The following DRC1 variants were observed in gnomAD, a reference collection of about 807,000 sequenced individuals.
DRC1 encodes the protein dynein regulatory complex subunit 1.
DRC1 carries 74 observed loss-of-function variants against 98.7 expected under a neutral mutation model. The ratio of observed to expected loss-of-function variants is 0.75; its 90% CI spans 0.62 to 0.91. DRC1 has a LOEUF of 0.91. Ranked by LOEUF, DRC1 falls within the 40% of genes least tolerant of loss-of-function variation. The pLI, the probability that DRC1 is intolerant of heterozygous loss-of-function variation, is 0.00. For synonymous variants in DRC1, 336 were observed against 334.1 expected, an observed-to-expected ratio of 1.01 and a Z score of -0.06; for missense variants, 875 against 886.0, an observed-to-expected ratio of 0.99 and a Z score of 0.16.
In DRC1 at chr2:26,414,459, G is replaced by A. The variant is rs759220027; in HGVS notation, c.243+28G>A. On this transcript the variant is annotated intron_variant, in intron 2 of 16. Transcript: ENST00000288710. ...ATGAACTGGTTGGCAGATGGGCTCT[G>A]GAAGACCAGTGAGCTGGGTGTGACA... 6 of 1,603,598 alleles carry A rather than the reference G, an allele frequency of 3.7e-6. No homozygotes were observed. In the African/African-American group the frequency reaches 5.4e-5, roughly 14 times the overall value.
In DRC1 at chr2:26,456,449, T is replaced by C. The variant is rs372142517; in HGVS notation, c.2167-12T>C. 6.2e-6 allele frequency: 10 copies of C among 1,613,958 alleles called. No individual in the cohort carries two copies. Among genetic ancestry groups the C allele is most frequent in the Non-Finnish European group, 7.6e-6 (9 of 1,179,958 alleles). On this transcript the variant is annotated splice_polypyrimidine_tract_variant and intron_variant, in intron 16 of 16. Coordinates refer to ENST00000288710, the MANE Select transcript of DRC1 (RefSeq NM_145038.5). ...GGGAAAAATGTAACGACTTTCACCC[T>C]TTCTTTTCCAGATCAACTCTGAACT...
chr2:26,442,231 G>T (rs1261515494), intron 8 of DRC1, among the ~76,000 whole-genome samples: 2 of 152,120 alleles, frequency 1.3e-5, no homozygotes, highest in Non-Finnish European at 2.9e-5. Flanking sequence ...CCTCTTAAAG[G>T]TCCTGCCTCT....
At chr2:26,428,477 G>T (rs1663341459) in intron 4 of DRC1, among the ~76,000 whole-genome samples, 1 of 152,196 alleles carries the variant, frequency 6.6e-6, no homozygotes, top group Non-Finnish European at 1.5e-5. Flanking sequence ...AAGTATTTGT[G>T]TATCTAAACA....
In DRC1 at chr2:26,418,645, A is replaced by AT. The variant is rs1553340620; in HGVS notation, c.244-2643_244-2642insT. On this transcript the variant is annotated intron_variant, in intron 2 of 16. Transcript: ENST00000288710. ...AATATAAATTATATATAATTTATATAATATATAAATTATATATTATATAAA... is the reference window on the plus strand; with the variant it reads ...AATATAAATTATATATAATTTATATATATATATAAATTATATATTATATAAA... 3.4e-4 allele frequency among the ~76,000 whole-genome samples: 31 copies of AT among 90,892 alleles called. 1 individual carries two copies. Among genetic ancestry groups the AT allele is most frequent in the Non-Finnish European group, 5.7e-4 (28 of 49,390 alleles). The allele number at this position is 90,892 out of a possible 152,430, so 59.6% of individuals were successfully genotyped here.
chr2:26,425,487 A>G (rs1269217376), intron 4 of DRC1, among the ~76,000 whole-genome samples: 1 of 152,182 alleles, frequency 6.6e-6, no homozygotes, highest in Non-Finnish European at 1.5e-5. Flanking sequence ...TAATTTTCTT[A>G]GGAACCTCCA....
chr2:26,429,360 C>T lies in DRC1; in HGVS notation c.541-268C>T, dbSNP rs193087704. 2.6e-3 allele frequency among the ~76,000 whole-genome samples: 395 copies of T among 152,038 alleles called. 1 individual carries two copies. Among genetic ancestry groups the T allele is most frequent in the African/African-American group, 8.7e-3 (362 of 41,456 alleles). On this transcript the variant is annotated intron_variant, in intron 4 of 16. Transcript: ENST00000288710. ...CCTCCCAAGTAGCTGGGACCACAGG[C>T]GTGCACCACCACATCTGGCTAATTT...
intron 1 of DRC1, among the ~76,000 whole-genome samples, chr2:26,411,793 C>T (rs897957636): frequency 6.9e-6 from 1 of 144,776 alleles, no homozygotes; most frequent in Non-Finnish European, 1.5e-5. Context: ...AAGACTCTGT[C>T]TTAAAAAAAA....
intron 5 of DRC1, chr2:26,430,369 G>A (rs1572368517): frequency 5.4e-6 from 2 of 371,404 alleles, no homozygotes; most frequent in South Asian, 4.2e-5. Flanking sequence ...ACTCATTTCT[G>A]CATTCCTAAA....
At chr2:26,427,243 A>C (rs942289338) in intron 4 of DRC1, among the ~76,000 whole-genome samples, 3 of 151,952 alleles carry the variant, frequency 2.0e-5, no homozygotes, top group Non-Finnish European at 4.4e-5. Flanking sequence ...CAGCCTCCCA[A>C]GTAGCTGGGA....
intron 1 of DRC1, among the ~76,000 whole-genome samples, chr2:26,414,089 T>C (rs951301416): frequency 6.2e-5 from 9 of 146,084 alleles, no homozygotes; most frequent in Non-Finnish European, 9.0e-5. Flanking sequence ...ATGGAATATA[T>C]ATTTATATAT....
Position 26,445,036 on chromosome 2 carries a change from G to A in DRC1, c.1396+88G>A. 5 of 1,333,704 alleles carry A rather than the reference G, an allele frequency of 3.7e-6. 1 individual carries two copies. Among genetic ancestry groups the A allele is most frequent in the Non-Finnish European group, 5.1e-6 (5 of 975,386 alleles). The allele number at this position is 1,333,704 out of a possible 1,614,324, so 82.6% of individuals were successfully genotyped here. ...GCCAGTCACGTTAGAGATAGTCTAG[G>A]GAGGAGGGGGAAGAGTATGATTATT... is the stretch of plus-strand genomic sequence containing the variant. On this transcript the variant is annotated intron_variant, in intron 10 of 16. Transcript: ENST00000288710.
At position 26,439,936 on chromosome 2, in the gene DRC1, T is replaced by TATATATATATATATATATAC. The variant is rs548209014; in HGVS notation, c.889-441_889-440insTATATATATATATATATACA. ...ACTAGTGTGTGAATATATATATATA[T>TATATATATATATATATATAC]ACACACACACATACACACACACACA... is the stretch of plus-strand genomic sequence containing the variant. On this transcript the variant is annotated intron_variant, in intron 7 of 16. Transcript: ENST00000288710. Among the ~76,000 whole-genome samples, 67 of 75,498 alleles carry TATATATATATATATATATAC rather than the reference T, an allele frequency of 8.9e-4. 7 individuals are homozygous for TATATATATATATATATATAC. Among genetic ancestry groups the TATATATATATATATATATAC allele is most frequent in the Non-Finnish European group, 1.3e-3 (42 of 31,200 alleles). 49.5% of individuals were successfully genotyped at this position (75,498 alleles called of 152,430 possible). A position where few individuals can be genotyped will look rare whatever the true frequency, so the allele number is the denominator to read the frequency against.
rs964836353 is a variant in DRC1, at chr2:26,447,337, C to T, written c.1397-1354C>T. Among the ~76,000 whole-genome samples, 8 of 151,920 alleles carry T rather than the reference C, an allele frequency of 5.3e-5. No homozygotes were observed. The East Asian group carries it at 7.8e-4, about 15-fold the overall frequency. ...CTGAGGCAGGAGAATCACTTGAACCCGGGAGGTGGAGGTTGCAGTCAGCCG... is the reference window on the plus strand; with the variant it reads ...CTGAGGCAGGAGAATCACTTGAACCTGGGAGGTGGAGGTTGCAGTCAGCCG... On this transcript the variant is annotated intron_variant, in intron 10 of 16. Transcript: ENST00000288710.
chr2:26,432,511 G>A (rs557157497), intron 7 of DRC1, among the ~76,000 whole-genome samples: 1 of 148,436 alleles, frequency 6.7e-6, no homozygotes, highest in African/African-American at 2.5e-5. Flanking sequence ...AGAGAGAAAG[G>A]GAGAGAGAAA....
intron 6 of DRC1, 83 bp downstream of exon 6, chr2:26,430,955 T>TATA: frequency 1.1e-6 from 1 of 875,480 alleles, no homozygotes; most frequent in Non-Finnish European, 1.7e-6. Flanking sequence ...AGCCTTTTTC[T>TATA]ATCTTTTTTT....
At chr2:26,448,603 G>A (rs1012387924) in intron 10 of DRC1, 88 bp from the exon 11 acceptor site, 3 of 1,331,750 alleles carry the variant, frequency 2.3e-6, no homozygotes, top group East Asian at 4.6e-5. Context: ...TTTTCTCAAG[G>A]AAAGCCATCT....
At chr2:26,445,491 T>C (rs909617974) in intron 10 of DRC1, among the ~76,000 whole-genome samples, 1 of 152,176 alleles carries the variant, frequency 6.6e-6, no homozygotes, top group Non-Finnish European at 1.5e-5. Flanking sequence ...AAGGTACCAA[T>C]GAGTTTTTAA....
intron 4 of DRC1, among the ~76,000 whole-genome samples, chr2:26,425,194 T>C (rs1663252636): frequency 1.3e-5 from 2 of 152,244 alleles, no homozygotes. Context: ...TTTGTCCTTT[T>C]GTGACTAGCA....
At chr2:26,402,236 G>C in intron 1 of DRC1, 92 bp downstream of exon 1, 1 of 1,453,138 alleles carries the variant, frequency 6.9e-7, no homozygotes, top group Non-Finnish European at 9.0e-7. Flanking sequence ...CTTCGGGAAG[G>C]TTCAGGCAGA....
Sources: allele counts gnomAD v4.1 joint callset (sites outside exome capture counted in the v4.1 genomes callset), GRCh38; gene constraint gnomAD v4.1.1; transcripts MANE v1.5; gene names NCBI Gene and HGNC (gene_info 2026-07-23, HGNC 2026-07-21).